Variants in TSPYL4 observed in about 807,000 individuals in gnomAD.
TSPYL4 encodes testis-specific Y-encoded-like protein 4.
A neutral mutation model predicts 24.2 loss-of-function variants in TSPYL4; 22 were observed. That is an observed-to-expected ratio of 0.91 (90% CI 0.65 to 1.30). The LOEUF is 1.30. Ranked by LOEUF, TSPYL4 falls within the 50% of genes most tolerant of loss-of-function variation. The pLI, the probability that TSPYL4 is intolerant of heterozygous loss-of-function variation, is 0.00. For missense variants in TSPYL4, 569 were observed against 536.7 expected (o/e 1.06, Z -0.60); for synonymous variants, 211 against 208.2 (o/e 1.01, Z -0.12).
rs117573255 is a variant in TSPYL4 at position 116,251,159 on chromosome 6, C to T, written c.*1605G>A. On this transcript the variant is annotated 3_prime_UTR_variant, in exon 1 of 1. Transcript: ENST00000420283. ...GAGAAGAGTGACCTACAAAATGCTA[C>T]CCTAGAAGCAGTCCAAGGCCCAAAA... The T allele has an allele frequency of 3.7e-3, 1,474 of 398,602 alleles. 8 individuals carry two copies. Among genetic ancestry groups the T allele is most frequent in the Non-Finnish European group, 5.4e-3 (1,221 of 226,098 alleles). 24.7% of individuals were successfully genotyped at this position (398,602 alleles called of 1,614,324 possible).
Position 116,253,303 on chromosome 6 carries a change from G to C in TSPYL4, c.706C>G (p.Arg236Gly). Residue 236 changes from arginine (R) to glycine (G), a missense_variant, in exon 1 of 1, where the codon CGA becomes GGA. Arg to Gly is a moderately radical substitution (Grantham distance 125). Transcript: ENST00000420283. The surrounding 1 kb of genome is among the most constrained non-coding windows in gnomAD (Gnocchi z 4.3). ...CTTCTGCGCTGCATGTGGAGCCTTC[G>C]CATGCGGCCAAACTTGCGCTCAAGC... ...LQLERKFGRM[R>G]RLHMQRRSFI... The C allele has an allele frequency of 1.9e-6, 3 of 1,592,392 alleles. No homozygotes were observed. Among genetic ancestry groups the C allele is most frequent in the Non-Finnish European group, 2.6e-6 (3 of 1,168,820 alleles).
chr6:116,253,269 A>G lies in TSPYL4; in HGVS notation c.740T>C (p.Ile247Thr). ...RLHMQRRSFI[I>T]QNIPGFWVTA... ...AACCCAGAAACCTGGGATATTCTGG[A>G]TAATGAAACTTCTGCGCTGCATGTG... Residue 247 changes from isoleucine to threonine, a missense_variant, in exon 1 of 1, where the codon ATC (isoleucine) becomes ACC (threonine). Physicochemically the swap from Ile to Thr is moderately conservative, Grantham distance 89. Coordinates refer to ENST00000420283, the MANE Select transcript of TSPYL4 (RefSeq NM_021648.5). The surrounding 1 kb of genome is among the most constrained non-coding windows in gnomAD (Gnocchi z 4.3). 1.2e-6 allele frequency: 2 copies of G among 1,611,842 alleles called. No homozygotes were observed. Among genetic ancestry groups the G allele is most frequent in the South Asian group, 2.2e-5 (2 of 90,790 alleles).
rs1284210554 is a variant in TSPYL4 at position 116,253,131 on chromosome 6, C to T, written c.878G>A (p.Gly293Asp). 6.2e-7 allele frequency: 1 copy of T among 1,613,890 alleles called. No homozygotes were observed. The highest frequency in any genetic ancestry group is 1.3e-5 in the African/African-American group (1 of 74,876). Residue 293 changes from glycine to aspartate, a missense_variant, in exon 1 of 1, where the codon GGC becomes GAC. By Grantham distance (94) the Gly-to-Asp change is moderately conservative. Transcript: ENST00000420283. The surrounding 1 kb of genome is among the most constrained non-coding windows in gnomAD (Gnocchi z 4.3). ...CTGAAAGATGAACTTGAATTTGCAGCCTGCTCTGGGGTGTTTAAGCTCCTC... is the reference window on the plus strand; with the variant it reads ...CTGAAAGATGAACTTGAATTTGCAGTCTGCTCTGGGGTGTTTAAGCTCCTC... ...EVEELKHPRA[G>D]CKFKFIFQGN... is the part of the protein sequence containing the mutation.
At position 116,252,968 on chromosome 6, in the gene TSPYL4, T is replaced by G; in HGVS notation, c.1041A>C (p.Glu347Asp). The change falls in exon 1 of 1, where the codon GAA (glutamate) becomes GAC (aspartate). Residue 347 changes from glutamate to aspartate, a missense_variant. Physicochemically the swap from Glu to Asp is conservative, Grantham distance 45. Transcript: ENST00000420283. ...TGAAGAAACTAGGGATAGTGTTCCC[T>G]TCCCGGTTTCTGTGGATATGAGCCT... is the stretch of plus-strand genomic sequence containing the variant. ...DPQAHIHRNREGNTIPSFFNW... is the reference protein window; with the variant it reads ...DPQAHIHRNRDGNTIPSFFNW... 1 of 1,614,118 alleles carries G rather than the reference T, an allele frequency of 6.2e-7. No individual in the cohort carries two copies. The highest frequency in any genetic ancestry group is 8.5e-7 in the Non-Finnish European group (1 of 1,179,974).
chr6:116,253,226 G>A lies in TSPYL4; in HGVS notation c.783C>T (p.His261=), dbSNP rs1562183426. Residue 261 remains histidine, a synonymous_variant, in exon 1 of 1, where the codon CAC becomes CAT. Coordinates refer to ENST00000420283, the MANE Select transcript of TSPYL4 (RefSeq NM_021648.5). This position sits in a 1 kb window ranked among gnomAD's most constrained non-coding sequence, Gnocchi z 4.3. ...CACTGATCATAGGTGACAGCTGGGG[G>A]TGGTTTCGAAAGGCAGTAACCCAGA... ...PGFWVTAFRN[H]PQLSPMISGQ... is the part of the protein sequence containing the mutation. 1.9e-6 allele frequency: 3 copies of A among 1,614,042 alleles called. No homozygotes were observed. The highest frequency in any genetic ancestry group is 2.2e-5 in the East Asian group (1 of 44,854).
chr6:116,253,962 C>G lies in TSPYL4; in HGVS notation c.47G>C (p.Gly16Ala). 1 of 1,602,394 alleles carries G rather than the reference C, an allele frequency of 6.2e-7. No homozygotes were observed. The highest frequency in any genetic ancestry group is 8.5e-7 in the Non-Finnish European group (1 of 1,174,346). The change falls in exon 1 of 1, where the codon GGC (glycine) becomes GCC (alanine). Residue 16 changes from glycine to alanine, a missense_variant. Coordinates refer to ENST00000420283, the MANE Select transcript of TSPYL4 (RefSeq NM_021648.5). The surrounding 1 kb of genome is among the most constrained non-coding windows in gnomAD (Gnocchi z 4.3). Reference sequence around the variant, plus strand: ...GGCATGGTCGGGAGCAGCCAGGCCGCCGGTTTGGGCGAGAGGGAGCTTGTT... The same window carrying G: ...GGCATGGTCGGGAGCAGCCAGGCCGGCGGTTTGGGCGAGAGGGAGCTTGTT... ...GGNKLPLAQT[G>A]GLAAPDHASG...
rs1210631463 is a variant in TSPYL4, at chr6:116,250,948, G to C, written c.*1816C>G. ...GAACTTGTCCGTGAAAATCCACACA[G>C]ATGCTGCACATCCCCTTATCCCCTA... On this transcript the variant is annotated 3_prime_UTR_variant, in exon 1 of 1. Coordinates refer to ENST00000420283, the MANE Select transcript of TSPYL4 (RefSeq NM_021648.5). The C allele has an allele frequency of 1.9e-5, 7 of 368,076 alleles. No individual in the cohort carries two copies. Among genetic ancestry groups the C allele is most frequent in the Admixed American group, 4.6e-5 (1 of 21,722 alleles). 22.8% of individuals were successfully genotyped at this position (368,076 alleles called of 1,614,324 possible). A position where few individuals can be genotyped will look rare whatever the true frequency, so the allele number is the denominator to read the frequency against.
In TSPYL4 at chr6:116,254,070, C is replaced by T; in HGVS notation, c.-62G>A. 6.7e-7 allele frequency: 1 copy of T among 1,495,090 alleles called. No homozygotes were observed. Among genetic ancestry groups the T allele is most frequent in the African/African-American group, 1.4e-5 (1 of 71,408 alleles). The allele number at this position is 1,495,090 out of a possible 1,614,324, so 92.6% of individuals were successfully genotyped here. On this transcript the variant is annotated 5_prime_UTR_variant, in exon 1 of 1. Coordinates refer to ENST00000420283, the MANE Select transcript of TSPYL4 (RefSeq NM_021648.5). ...CCTTGTCCTCCGCAGCGGCCGAGCT[C>T]TGCCCGAAACGTCTAGCACCACCCC...
Position 116,254,012 on chromosome 6 carries a change from GGAA to G in TSPYL4, c.-7_-5del. ...TGCCCCCATCCAGGCCGCTCATTTT[GGAA>G]GAAGTCAGACTAGTGGGAGAGGGAG... On this transcript the variant is annotated 5_prime_UTR_variant, in exon 1 of 1. Transcript: ENST00000420283. The G allele has an allele frequency of 4.5e-6, 7 of 1,561,012 alleles. No homozygotes were observed. Among genetic ancestry groups the G allele is most frequent in the Non-Finnish European group, 6.1e-6 (7 of 1,154,912 alleles).
At position 116,253,883 on chromosome 6, in the gene TSPYL4, C is replaced by A. The variant is rs1772029347; in HGVS notation, c.126G>T (p.Ala42=). The change falls in exon 1 of 1, where the codon GCG becomes GCT. Residue 42 remains alanine (A), a synonymous_variant. Coordinates refer to ENST00000420283, the MANE Select transcript of TSPYL4 (RefSeq NM_021648.5). This position sits in a 1 kb window ranked among gnomAD's most constrained non-coding sequence, Gnocchi z 4.3. ...CACCTGTGTTCGCCATCACCTGTGT[C>A]GCCTCGGTTTCTTCACGGAGCCCTT... is the stretch of plus-strand genomic sequence containing the variant. ...QCQGLREETE[A]TQVMANTGGG... 1 of 1,613,738 alleles carries A rather than the reference C, an allele frequency of 6.2e-7. No individual in the cohort carries two copies. Among genetic ancestry groups the A allele is most frequent in the Admixed American group, 1.7e-5 (1 of 59,984 alleles).
At position 116,251,554 on chromosome 6, in the gene TSPYL4, T is replaced by C. The variant is rs934972932; in HGVS notation, c.*1210A>G. The C allele has an allele frequency of 7.5e-6, 2 of 266,886 alleles. No homozygotes were observed. The highest frequency in any genetic ancestry group is 1.4e-5 in the Non-Finnish European group (2 of 145,292). 16.5% of individuals were successfully genotyped at this position (266,886 alleles called of 1,614,324 possible). A position where few individuals can be genotyped will look rare whatever the true frequency, so the allele number is the denominator to read the frequency against. ...TGAACACAATCAGGGAAAGAGCAAA[T>C]TAAACAAAAAGCCTGCTTTGCCAGT... On this transcript the variant is annotated 3_prime_UTR_variant, in exon 1 of 1. Coordinates refer to ENST00000420283, the MANE Select transcript of TSPYL4 (RefSeq NM_021648.5).
In TSPYL4 at chr6:116,251,372, TA is replaced by T; in HGVS notation, c.*1391del. ...TGGTAGAATGGATGGGGTAAAAAGA[TA>T]AATATGTCAAAATCTGCCTAATTTA... is the stretch of plus-strand genomic sequence containing the variant. On this transcript the variant is annotated 3_prime_UTR_variant, in exon 1 of 1. Coordinates refer to ENST00000420283, the MANE Select transcript of TSPYL4 (RefSeq NM_021648.5). 1 of 397,582 alleles carries T rather than the reference TA, an allele frequency of 2.5e-6. No individual in the cohort carries two copies. The highest frequency in any genetic ancestry group is 4.4e-6 in the Non-Finnish European group (1 of 225,648). 24.6% of individuals were successfully genotyped at this position (397,582 alleles called of 1,614,324 possible). A position where few individuals can be genotyped will look rare whatever the true frequency, so the allele number is the denominator to read the frequency against.
At position 116,252,608 on chromosome 6, in the gene TSPYL4, A is replaced by C. The variant is rs1771970570; in HGVS notation, c.*156T>G. On this transcript the variant is annotated 3_prime_UTR_variant, in exon 1 of 1. Transcript: ENST00000420283. Reference sequence around the variant, plus strand: ...GAATGGCACAGGCAGGTAAGCCAACAATCTTGCAACCGATTACTGAAGATT... The same window carrying C: ...GAATGGCACAGGCAGGTAAGCCAACCATCTTGCAACCGATTACTGAAGATT... 2 of 967,386 alleles carry C rather than the reference A, an allele frequency of 2.1e-6. No individual in the cohort carries two copies. The highest frequency in any genetic ancestry group is 2.9e-5 in the Admixed American group (1 of 34,210). 59.9% of individuals were successfully genotyped at this position (967,386 alleles called of 1,614,324 possible). A position where few individuals can be genotyped will look rare whatever the true frequency, so the allele number is the denominator to read the frequency against.
At position 116,252,099 on chromosome 6, in the gene TSPYL4, T is replaced by C. The variant is rs1771959175; in HGVS notation, c.*665A>G. ...GTAACCAAAGGTACAGGAAAACCAA[T>C]GTGATAACATAGAACACTTTTCATC... On this transcript the variant is annotated 3_prime_UTR_variant, in exon 1 of 1. Transcript: ENST00000420283. The C allele has an allele frequency of 6.5e-6, 1 of 152,822 alleles. No individual in the cohort carries two copies. 9.5% of individuals were successfully genotyped at this position (152,822 alleles called of 1,614,324 possible). A position where few individuals can be genotyped will look rare whatever the true frequency, so the allele number is the denominator to read the frequency against.
In TSPYL4 at chr6:116,251,226, T is replaced by C; in HGVS notation, c.*1538A>G. On this transcript the variant is annotated 3_prime_UTR_variant, in exon 1 of 1. Coordinates refer to ENST00000420283, the MANE Select transcript of TSPYL4 (RefSeq NM_021648.5). ...AGAAAAGTGGAGTGAGGCTAAGTTT[T>C]GGTTGCCTTTGCTCACATCACAAAG... 2.5e-6 allele frequency: 1 copy of C among 398,722 alleles called. No individual in the cohort carries two copies. Among genetic ancestry groups the C allele is most frequent in the East Asian group, 3.6e-5 (1 of 28,060 alleles). The allele number at this position is 398,722 out of a possible 1,614,324, so 24.7% of individuals were successfully genotyped here.
In TSPYL4 at chr6:116,251,417, C is replaced by T. The variant is rs979754381; in HGVS notation, c.*1347G>A. On this transcript the variant is annotated 3_prime_UTR_variant, in exon 1 of 1. Coordinates refer to ENST00000420283, the MANE Select transcript of TSPYL4 (RefSeq NM_021648.5). ...TAATTTAACACTGCCTATAACTAAACAATTAACCTATAGGTCTCCCTTTGA... is the reference window on the plus strand; with the variant it reads ...TAATTTAACACTGCCTATAACTAAATAATTAACCTATAGGTCTCCCTTTGA... The T allele has an allele frequency of 1.8e-5, 7 of 394,566 alleles. No homozygotes were observed. Among genetic ancestry groups the T allele is most frequent in the Non-Finnish European group, 3.1e-5 (7 of 224,236 alleles). The allele number at this position is 394,566 out of a possible 1,614,324, so 24.4% of individuals were successfully genotyped here. A position where few individuals can be genotyped will look rare whatever the true frequency, so the allele number is the denominator to read the frequency against.
Position 116,250,874 on chromosome 6 carries a change from C to T in TSPYL4, c.*1890G>A, listed in dbSNP as rs1204832. 3,587 of 255,426 alleles carry T rather than the reference C, an allele frequency of 0.014. 135 individuals carry two copies. Among genetic ancestry groups the T allele is most frequent in the African/African-American group, 0.075 (3,378 of 45,332 alleles). The allele number at this position is 255,426 out of a possible 1,614,324, so 15.8% of individuals were successfully genotyped here. A position where few individuals can be genotyped will look rare whatever the true frequency, so the allele number is the denominator to read the frequency against. On this transcript the variant is annotated 3_prime_UTR_variant, in exon 1 of 1. Coordinates refer to ENST00000420283, the MANE Select transcript of TSPYL4 (RefSeq NM_021648.5). ...GGTGATGGTGGATGGTCTTTATCAC[C>T]ACACATGATCATAACTAAGCCTTGA...
rs558664499 is a variant in TSPYL4 at position 116,252,526 on chromosome 6, G to T, written c.*238C>A. Reference sequence around the variant, plus strand: ...TACGCTTGGCATAGAAGCCGTAGAAGGCCATGCACTTGAAACATGTTAACA... The same window carrying T: ...TACGCTTGGCATAGAAGCCGTAGAATGCCATGCACTTGAAACATGTTAACA... On this transcript the variant is annotated 3_prime_UTR_variant, in exon 1 of 1. Transcript: ENST00000420283. 3.7e-4 allele frequency: 200 copies of T among 537,498 alleles called. 2 individuals are homozygous for T. In the South Asian group the frequency reaches 5.7e-3, roughly 15 times the overall value. 33.3% of individuals were successfully genotyped at this position (537,498 alleles called of 1,614,324 possible). A position where few individuals can be genotyped will look rare whatever the true frequency, so the allele number is the denominator to read the frequency against.
Position 116,253,542 on chromosome 6 carries a change from T to A in TSPYL4, c.467A>T (p.Lys156Ile). ...GKKAKEVTTK[K>I]RAISAAVEKE... ...TTCCACTGCTGCCGAGATGGCGCGTTTTTTAGTCGTCACTTCCTTGGCCTT... is the reference window on the plus strand; with the variant it reads ...TTCCACTGCTGCCGAGATGGCGCGTATTTTAGTCGTCACTTCCTTGGCCTT... The change falls in exon 1 of 1, where the codon AAA (lysine) becomes ATA (isoleucine). Residue 156 changes from lysine (K) to isoleucine (I), a missense_variant. Physicochemically the swap from Lys to Ile is moderately radical, Grantham distance 102. Transcript: ENST00000420283. This position sits in a 1 kb window ranked among gnomAD's most constrained non-coding sequence, Gnocchi z 4.3. 1 of 1,551,902 alleles carries A rather than the reference T, an allele frequency of 6.4e-7. No homozygotes were observed.
Sources: gnomAD v4.1 joint callset for allele counts on GRCh38, gnomAD v4.1.1 for gene constraint, Gnocchi (gnomAD v3.1) non-coding constraint, MANE v1.5 for transcripts, NCBI Gene and HGNC (gene_info 2026-07-23, HGNC 2026-07-21) for gene names.